Variants in GLB1L3 observed in about 807,000 individuals in gnomAD.
GLB1L3 encodes the protein galactosidase beta 1 like 3, also known as beta-galactosidase-1-like protein 3.
In GLB1L3, 89 loss-of-function variants were observed where a neutral mutation model predicts 89.5. The observed-to-expected ratio is 0.99, with a 90% confidence interval of 0.84 to 1.19. GLB1L3 has a LOEUF of 1.19. Ranked by LOEUF, GLB1L3 falls within the 50% of genes most tolerant of loss-of-function variation. The pLI is 0.00. For missense variants in GLB1L3, 812 were observed against 813.3 expected (o/e 1.00, Z 0.02); for synonymous variants, 314 against 312.3 (o/e 1.01, Z -0.06).
chr11:134,318,502 C>A, intron 18 of GLB1L3, 129 bp from the exon 19 acceptor site: 2 of 634,602 alleles, frequency 3.2e-6, no homozygotes, highest in Non-Finnish European at 2.8e-6. Context: ...TATAACATAT[C>A]CCACTCTAAA....
intron 2 of GLB1L3, 32 bp downstream of exon 2, chr11:134,277,483 A>AG: frequency 6.2e-7 from 1 of 1,603,478 alleles, no homozygotes. Flanking sequence ...CTGGGGAGGG[A>AG]GGGGAGCGAT....
At chr11:134,319,758 G>T (rs550291690), downstream of GLB1L3, among the ~76,000 whole-genome samples, 1 of 149,702 alleles carries the variant, frequency 6.7e-6, no homozygotes, top group South Asian at 2.1e-4. Context: ...GCGCGCGCGC[G>T]TGCATGTGTG....
chr11:134,276,821 C>A, intron 1 of GLB1L3, 58 bp downstream of exon 1: 2 of 1,320,006 alleles, frequency 1.5e-6, no homozygotes, highest in Non-Finnish European at 1.9e-6. Context: ...TGCCCGGGAG[C>A]CTCCACCCTC....
chr11:134,285,342 T>C (rs575747002), intron 6 of GLB1L3, among the ~76,000 whole-genome samples: 6 of 152,314 alleles, frequency 3.9e-5, no homozygotes, highest in African/African-American at 1.4e-4. Flanking sequence ...AAGAACATTG[T>C]ACTGTGCGGT....
intron 1 of GLB1L3, chr11:134,277,014 A>G: frequency 1.8e-6 from 1 of 564,436 alleles, no homozygotes; most frequent in Non-Finnish European, 3.1e-6. Flanking sequence ...GCGGCTGGGC[A>G]CCGTGTCCTT....
chr11:134,314,127 G>A, intron 17 of GLB1L3, 99 bp downstream of exon 17: 1 of 865,052 alleles, frequency 1.2e-6, no homozygotes. Flanking sequence ...TAGAGACTGA[G>A]TGATGTACTC....
downstream of GLB1L3, among the ~76,000 whole-genome samples, chr11:134,324,265 A>C (rs1045211794): frequency 6.6e-6 from 1 of 152,230 alleles, no homozygotes; most frequent in African/African-American, 2.4e-5. Flanking sequence ...GATATACAAG[A>C]CATGGATATT....
At position 134,276,535 on chromosome 11, in the gene GLB1L3, G is replaced by A. The variant is rs1386754190; in HGVS notation, c.-206G>A. The A allele has an allele frequency of 1.5e-5, 6 of 407,276 alleles. No individual in the cohort carries two copies. The highest frequency in any genetic ancestry group is 2.1e-5 in the Non-Finnish European group (5 of 238,556). 25.2% of individuals were successfully genotyped at this position (407,276 alleles called of 1,614,324 possible). On this transcript the variant is annotated 5_prime_UTR_variant, in exon 1 of 20. Transcript: ENST00000431683. ...GCGCCGGCGGAGCTCGGCTGTCCCC[G>A]CGGGAGGGAGCCCGACGCGCATCCT...
intron 6 of GLB1L3, among the ~76,000 whole-genome samples, chr11:134,285,941 C>T (rs1940962354): frequency 6.9e-6 from 1 of 144,634 alleles, no homozygotes; most frequent in East Asian, 2.1e-4. Context: ...CGGAGTCTCA[C>T]TCTGTTGCCC....
intron 10 of GLB1L3, 50 bp from the exon 11 acceptor site, chr11:134,309,576 T>C: frequency 1.0e-5 from 15 of 1,461,360 alleles, no homozygotes; most frequent in Non-Finnish European, 1.3e-5. Context: ...GAGGCTTCTG[T>C]CTCCTCTTAA....
intron 11 of GLB1L3, chr11:134,310,141 C>A: frequency 2.6e-6 from 1 of 385,170 alleles, no homozygotes; most frequent in South Asian, 3.4e-5. Flanking sequence ...TTTTGGCTTC[C>A]CTGGGCCACA....
chr11:134,278,816 T>C (rs1313626689), intron 3 of GLB1L3, among the ~76,000 whole-genome samples: 1 of 152,200 alleles, frequency 6.6e-6, no homozygotes, highest in Admixed American at 6.5e-5. Flanking sequence ...GAAATAATCG[T>C]TGAGTTTTAT....
intron 10 of GLB1L3, among the ~76,000 whole-genome samples, chr11:134,309,129 T>G (rs1942591034): frequency 6.6e-6 from 1 of 152,162 alleles, no homozygotes; most frequent in Non-Finnish European, 1.5e-5. Context: ...TAAGGAAAAT[T>G]AGATATTTAA....
At chr11:134,294,621 C>G (rs1941535033) in intron 9 of GLB1L3, among the ~76,000 whole-genome samples, 1 of 152,212 alleles carries the variant, frequency 6.6e-6, no homozygotes, top group Admixed American at 6.5e-5. Flanking sequence ...ATGTTCATTG[C>G]TTTTAATGCT....
At chr11:134,280,695 A>G (rs1940637412) in intron 3 of GLB1L3, among the ~76,000 whole-genome samples, 1 of 152,134 alleles carries the variant, frequency 6.6e-6, no homozygotes, top group African/African-American at 2.4e-5. Flanking sequence ...CATGATTAGT[A>G]TGTCTTCTTG....
chr11:134,312,278 A>T, intron 13 of GLB1L3, 71 bp from the exon 14 acceptor site: 1 of 1,551,090 alleles, frequency 6.4e-7, no homozygotes, highest in South Asian at 1.2e-5. Context: ...GGACCAAATG[A>T]CAGGGTCTTA....
intron 10 of GLB1L3, among the ~76,000 whole-genome samples, chr11:134,308,622 C>T (rs1386581776): frequency 2.0e-4 from 30 of 146,586 alleles, no homozygotes; most frequent in Non-Finnish European, 2.3e-4. Context: ...ACCACTATCA[C>T]CACCATCACC....
intron 6 of GLB1L3, 63 bp from the exon 7 acceptor site, chr11:134,288,735 A>G: frequency 8.1e-7 from 1 of 1,233,772 alleles, no homozygotes; most frequent in Non-Finnish European, 1.2e-6. Context: ...CAGCAAGCTC[A>G]GAGACTCCAG....
At chr11:134,310,358 C>G (rs965864456) in intron 11 of GLB1L3, 1 of 565,388 alleles carries the variant, frequency 1.8e-6, no homozygotes, top group Non-Finnish European at 3.1e-6. Context: ...GGGGGCAAGC[C>G]CAGTGTCATG....
Sources: gnomAD v4.1 joint callset for allele counts (sites outside exome capture counted in the v4.1 genomes callset) on GRCh38, gnomAD v4.1.1 for gene constraint, MANE v1.5 for transcripts, NCBI Gene and HGNC (gene_info 2026-07-23, HGNC 2026-07-21) for gene names.